The following RFX3 variants were observed in gnomAD, a reference collection of about 807,000 sequenced individuals.
RFX3 encodes transcription factor RFX3.
A neutral mutation model predicts 98.6 loss-of-function variants in RFX3; 14 were observed. The observed-to-expected ratio is 0.14, with a 90% CI of 0.09 to 0.22. The LOEUF is 0.22. Ranked by LOEUF, RFX3 falls within the 10% of genes least tolerant of loss-of-function variation. The pLI is 1.00. For synonymous variants in RFX3, 383 were observed against 328.4 expected (o/e 1.17, Z -1.80); for missense variants, 639 against 926.9 (o/e 0.69, Z 4.03).
intron 4 of RFX3, among the ~76,000 whole-genome samples, chr9:3,320,446 G>A (rs1429712114): frequency 3.3e-5 from 5 of 151,782 alleles, no homozygotes; most frequent in African/African-American, 1.2e-4. Context: ...CAGCTACTTG[G>A]GAGGATGAGG....
intron 15 of RFX3, among the ~76,000 whole-genome samples, chr9:3,242,892 G>C (rs1296974345): frequency 6.6e-6 from 1 of 151,844 alleles, no homozygotes; most frequent in Non-Finnish European, 1.5e-5. Flanking sequence ...GGCTAAAGAG[G>C]TGGCTTAGAC....
At position 3,273,428 on chromosome 9, in the gene RFX3, A is replaced by G. The variant is rs138911860; in HGVS notation, c.1086+2072T>C. 6.5e-3 allele frequency among the ~76,000 whole-genome samples: 996 copies of G among 152,300 alleles called. 3 individuals carry two copies. Among genetic ancestry groups the G allele is most frequent in the African/African-American group, 0.023 (945 of 41,556 alleles). On this transcript the variant is annotated intron_variant, in intron 9 of 16. Coordinates refer to ENST00000617270, the MANE Select transcript of RFX3 (RefSeq NM_001282116.2). ...AGTATATTTTTGAAAATGGTATGTT[A>G]ATACAAATCTTATAATTCAAAGACT...
chr9:3,255,980 T>C (rs1822085493), intron 14 of RFX3, among the ~76,000 whole-genome samples: 1 of 152,164 alleles, frequency 6.6e-6, no homozygotes, highest in African/African-American at 2.4e-5. Flanking sequence ...TCTTTTTTTT[T>C]TTCTGAGACG....
intron 1 of RFX3, chr9:3,524,770 T>A (rs1819052894): frequency 5.0e-6 from 1 of 200,992 alleles, no homozygotes; most frequent in African/African-American, 2.4e-5. Flanking sequence ...GATAAAGCAC[T>A]GTCAATAACT....
rs1817575297 is a variant in RFX3 at position 3,224,682 on chromosome 9, T to C, written c.*360A>G. ...ACAGAAGTGCATCTAATTAAAAAAC[T>C]TACACATGAAATCATACACCAAGAC... On this transcript the variant is annotated 3_prime_UTR_variant, in exon 17 of 17. Coordinates refer to ENST00000617270, the MANE Select transcript of RFX3 (RefSeq NM_001282116.2). 5.7e-6 allele frequency: 1 copy of C among 174,352 alleles called. No individual in the cohort carries two copies. Among genetic ancestry groups the C allele is most frequent in the Admixed American group, 5.6e-5 (1 of 17,902 alleles). The allele number at this position is 174,352 out of a possible 1,614,324, so 10.8% of individuals were successfully genotyped here. A position where few individuals can be genotyped will look rare whatever the true frequency, so the allele number is the denominator to read the frequency against.
At chr9:3,504,879 T>TTATATATGATATAACATATATTATATA (rs1816668373) in intron 1 of RFX3, among the ~76,000 whole-genome samples, 5 of 53,184 alleles carry the variant, frequency 9.4e-5, no homozygotes, top group South Asian at 5.3e-4. Flanking sequence ...ATTATATATA[T>TTATATATGATATAACATATATTATATA]TATATATAAT....
At chr9:3,446,754 A>G (rs1846091261) in intron 1 of RFX3, among the ~76,000 whole-genome samples, 1 of 152,114 alleles carries the variant, frequency 6.6e-6, no homozygotes, top group Non-Finnish European at 1.5e-5. Flanking sequence ...GGAGTAACGT[A>G]TGGTACATTT....
chr9:3,278,184 G>A (rs1016554032), intron 7 of RFX3, among the ~76,000 whole-genome samples: 11 of 151,680 alleles, frequency 7.3e-5, no homozygotes, highest in Non-Finnish European at 1.2e-4. Flanking sequence ...TCAGTGGCAT[G>A]GGGAAGAAGG....
chr9:3,308,847 A>G (rs1389839139), intron 4 of RFX3, among the ~76,000 whole-genome samples: 1 of 152,100 alleles, frequency 6.6e-6, no homozygotes, highest in Non-Finnish European at 1.5e-5. Context: ...TATTTGGAGC[A>G]CCAGAGAGGA....
chr9:3,403,036 G>A (rs181307201), intron 1 of RFX3, among the ~76,000 whole-genome samples: 7 of 152,034 alleles, frequency 4.6e-5, no homozygotes, highest in Admixed American at 3.3e-4. Flanking sequence ...TTAAACATAT[G>A]TTTAGTCACG....
chr9:3,242,394 C>G (rs653080), intron 15 of RFX3, among the ~76,000 whole-genome samples: 137,493 of 151,920 alleles, frequency 0.91, 62,323 homozygotes, highest in East Asian at 0.97. Context: ...AGCCACTACT[C>G]TTCCATGATT....
At chr9:3,303,371 C>A (rs916128845) in intron 4 of RFX3, among the ~76,000 whole-genome samples, 1 of 151,676 alleles carries the variant, frequency 6.6e-6, no homozygotes, top group Non-Finnish European at 1.5e-5. Flanking sequence ...TCAAAGGATT[C>A]ATATGACTAC....
intron 4 of RFX3, among the ~76,000 whole-genome samples, chr9:3,307,002 G>C (rs770588320): frequency 3.9e-5 from 6 of 152,014 alleles, no homozygotes; most frequent in Non-Finnish European, 8.8e-5. Context: ...TTCCTGTGCT[G>C]TTTTCCTGAT....
At chr9:3,275,867 A>G (rs1033084868) in intron 8 of RFX3, among the ~76,000 whole-genome samples, 2 of 152,172 alleles carry the variant, frequency 1.3e-5, no homozygotes, top group African/African-American at 4.8e-5. Context: ...TGCAAATAGT[A>G]TACTGCATAT....
intron 1 of RFX3, among the ~76,000 whole-genome samples, chr9:3,510,442 G>C: frequency 6.6e-6 from 1 of 152,050 alleles, no homozygotes; most frequent in South Asian, 2.1e-4. Flanking sequence ...AGAATAAGTG[G>C]ATCAATATTA....
chr9:3,468,758 A>AAG (rs1848526261), intron 1 of RFX3, among the ~76,000 whole-genome samples: 1 of 151,040 alleles, frequency 6.6e-6, no homozygotes, highest in African/African-American at 2.4e-5. Flanking sequence ...TTAAGTCAAC[A>AAG]TTAGCCTTGG....
chr9:3,344,630 C>T (rs1587202210), intron 3 of RFX3: 2 of 555,790 alleles, frequency 3.6e-6, no homozygotes, highest in East Asian at 6.1e-5. Flanking sequence ...CACATTCTAC[C>T]ACAACAGACA....
chr9:3,454,065 T>C (rs1846926634), intron 1 of RFX3, among the ~76,000 whole-genome samples: 1 of 152,180 alleles, frequency 6.6e-6, no homozygotes, highest in Non-Finnish European at 1.5e-5. Context: ...GGATTTTGTG[T>C]GCACAAATAT....
intron 2 of RFX3, among the ~76,000 whole-genome samples, chr9:3,347,517 G>C (rs1834579011): frequency 6.6e-6 from 1 of 151,926 alleles, no homozygotes; most frequent in Non-Finnish European, 1.5e-5. Flanking sequence ...TCCCTTCACA[G>C]GATTATTTAA....
Sources: allele counts gnomAD v4.1 joint callset (sites outside exome capture counted in the v4.1 genomes callset), GRCh38; gene constraint gnomAD v4.1.1; transcripts MANE v1.5; gene names NCBI Gene and HGNC (gene_info 2026-07-23, HGNC 2026-07-21).